The following OSTM1 variants were observed in gnomAD, a reference collection of about 807,000 sequenced individuals.
OSTM1 encodes osteopetrosis-associated transmembrane protein 1.
OSTM1 carries 26 observed loss-of-function variants against 35.4 expected under a neutral mutation model. The ratio of observed to expected loss-of-function variants is 0.73; its 90% CI spans 0.54 to 1.02. The LOEUF (loss-of-function observed/expected upper bound fraction) is 1.02. OSTM1 is among the 50% of genes least tolerant of loss of function. OSTM1 has a pLI of 0.00. For synonymous variants in OSTM1, 181 were observed against 165.0 expected (o/e 1.10, Z -0.75); for missense variants, 366 against 409.6 (o/e 0.89, Z 0.92).
In OSTM1 at chr6:108,074,565, G is replaced by C. The variant is rs749100146; in HGVS notation, c.87C>G (p.Ala29=). Residue 29 remains alanine, a synonymous_variant, in exon 1 of 6, where the codon GCC becomes GCG. Transcript: ENST00000193322. The part of the protein sequence containing the change: ...PLGLLLWSGL[A]LGALPFGSSP... Reference sequence around the variant, plus strand: ...TGCTGCCGAAGGGGAGCGCGCCCAGGGCCAGCCCCGACCACAGCAGCAGCC... The same window carrying C: ...TGCTGCCGAAGGGGAGCGCGCCCAGCGCCAGCCCCGACCACAGCAGCAGCC... 6.2e-5 allele frequency: 97 copies of C among 1,560,456 alleles called. 1 individual carries two copies. The highest frequency in any genetic ancestry group is 9.5e-6 in the Non-Finnish European group (11 of 1,156,050).
In OSTM1 at chr6:108,041,568, A is replaced by G. The variant is rs1038100349; in HGVS notation, c.*3217T>C. On this transcript the variant is annotated 3_prime_UTR_variant, in exon 6 of 6. Coordinates refer to ENST00000193322, the MANE Select transcript of OSTM1 (RefSeq NM_014028.4). The stretch of plus-strand genomic sequence containing the variant: ...CATTTTGGTGCTACATGTATAATTC[A>G]GCATAAGCCAAAGCCTTTTTAAAAT... 2 of 152,358 alleles carry G rather than the reference A, an allele frequency of 1.3e-5. No homozygotes were observed. The highest frequency in any genetic ancestry group is 6.5e-5 in the Admixed American group (1 of 15,308). 9.4% of individuals were successfully genotyped at this position (152,358 alleles called of 1,614,324 possible).
At chr6:108,053,645 T>C (rs1332086237) in intron 3 of OSTM1, among the ~76,000 whole-genome samples, 1 of 152,206 alleles carries the variant, frequency 6.6e-6, no homozygotes, top group Non-Finnish European at 1.5e-5. Context: ...TTTGTATTTT[T>C]AGTAGAGACA....
rs1772564630 is a variant in OSTM1 at position 108,074,716 on chromosome 6, A to G, written c.-65T>C. On this transcript the variant is annotated 5_prime_UTR_variant, in exon 1 of 6. Transcript: ENST00000193322. ...TCCGCCCCCAGCCGGCACCGCGGACAGCCGCCGCTTCCGGTTTCCGCGAGC... is the reference window on the plus strand; with the variant it reads ...TCCGCCCCCAGCCGGCACCGCGGACGGCCGCCGCTTCCGGTTTCCGCGAGC... 1.4e-6 allele frequency: 2 copies of G among 1,428,922 alleles called. No individual in the cohort carries two copies. The highest frequency in any genetic ancestry group is 2.9e-5 in the Admixed American group (1 of 34,782). The allele number at this position is 1,428,922 out of a possible 1,614,324, so 88.5% of individuals were successfully genotyped here.
At chr6:108,067,629 G>A (rs1010545604) in intron 1 of OSTM1, among the ~76,000 whole-genome samples, 5 of 151,886 alleles carry the variant, frequency 3.3e-5, no homozygotes, top group African/African-American at 1.2e-4. Context: ...TCAGGAGTTC[G>A]AGACCAGTCC....
intron 3 of OSTM1, among the ~76,000 whole-genome samples, chr6:108,051,626 C>G (rs1772075863): frequency 6.6e-6 from 1 of 152,152 alleles, no homozygotes; most frequent in Non-Finnish European, 1.5e-5. Flanking sequence ...AAAATAGGTT[C>G]CTGCCTATGC....
intron 3 of OSTM1, among the ~76,000 whole-genome samples, chr6:108,052,689 A>T (rs1772098323): frequency 6.6e-6 from 1 of 152,088 alleles, no homozygotes; most frequent in Non-Finnish European, 1.5e-5. Context: ...ATCTTTTAAT[A>T]ATGTGAAAGT....
chr6:108,055,139 T>A (rs1376872750), intron 2 of OSTM1, among the ~76,000 whole-genome samples: 1 of 152,188 alleles, frequency 6.6e-6, no homozygotes, highest in African/African-American at 2.4e-5. Context: ...GGGCTTCAAG[T>A]AAAGTCTAGA....
At position 108,074,625 on chromosome 6, in the gene OSTM1, C is replaced by T. The variant is rs1245761814; in HGVS notation, c.27G>A (p.Gln9=). ...GCCACGGCGGCAACGAACACCTCCG[C>T]TGCGCGGCTGTCGGGCCCGGCTCCA... MEPGPTAA[Q]RRCSLPPWLP... The change falls in exon 1 of 6, where the codon CAG becomes CAA. Residue 9 remains glutamine (Q), a synonymous_variant. Coordinates refer to ENST00000193322, the MANE Select transcript of OSTM1 (RefSeq NM_014028.4). The T allele has an allele frequency of 2.6e-6, 4 of 1,560,304 alleles. No homozygotes were observed. The African/African-American group carries it at 4.1e-5, about 16-fold the overall frequency.
At chr6:108,062,286 A>C (rs1175401998) in intron 2 of OSTM1, among the ~76,000 whole-genome samples, 1 of 152,210 alleles carries the variant, frequency 6.6e-6, no homozygotes, top group Admixed American at 6.5e-5. Flanking sequence ...GGCAGCATCT[A>C]CAGTATAGAT....
chr6:108,067,187 C>T (rs545622028), intron 1 of OSTM1, among the ~76,000 whole-genome samples: 1 of 152,246 alleles, frequency 6.6e-6, no homozygotes, highest in East Asian at 1.9e-4. Context: ...GATCTCTCTC[C>T]CACTCTTTAC....
chr6:108,074,228 C>T, intron 1 of OSTM1, 22 bp downstream of exon 1: 2 of 1,610,384 alleles, frequency 1.2e-6, no homozygotes, highest in Non-Finnish European at 1.7e-6. Flanking sequence ...AGCCACAGTC[C>T]CGGACGTGGT....
chr6:108,072,486 A>G (rs1772501890), intron 1 of OSTM1, among the ~76,000 whole-genome samples: 1 of 151,928 alleles, frequency 6.6e-6, no homozygotes, highest in South Asian at 2.1e-4. Flanking sequence ...TACAATAATT[A>G]GTTAGGTGTG....
rs886060968 is a variant in OSTM1, at chr6:108,043,832, G to A, written c.*953C>T. On this transcript the variant is annotated 3_prime_UTR_variant, in exon 6 of 6. Coordinates refer to ENST00000193322, the MANE Select transcript of OSTM1 (RefSeq NM_014028.4). ...CACCACTGTCCAACAGTCTTACAGT[G>A]AGCATCCTCTCAGGTCCCTTTCTGC... 7.2e-5 allele frequency: 11 copies of A among 152,114 alleles called. No homozygotes were observed. Among genetic ancestry groups the A allele is most frequent in the Non-Finnish European group, 1.6e-4 (11 of 68,038 alleles). 9.4% of individuals were successfully genotyped at this position (152,114 alleles called of 1,614,324 possible). A position where few individuals can be genotyped will look rare whatever the true frequency, so the allele number is the denominator to read the frequency against.
At chr6:108,050,552 C>T (rs59031327) in intron 4 of OSTM1, among the ~76,000 whole-genome samples, 35,214 of 151,586 alleles carry the variant, frequency 0.23, 4,185 homozygotes, top group Admixed American at 0.26. Flanking sequence ...TTAGTAGAGA[C>T]GGGGTTTCAC....
intron 2 of OSTM1, among the ~76,000 whole-genome samples, chr6:108,057,535 C>A (rs1772189193): frequency 6.6e-6 from 1 of 152,046 alleles, no homozygotes; most frequent in African/African-American, 2.4e-5. Flanking sequence ...CATGAGAGAG[C>A]AATAGCAAAT....
At chr6:108,062,319 G>A (rs1457529297) in intron 2 of OSTM1, among the ~76,000 whole-genome samples, 3 of 152,000 alleles carry the variant, frequency 2.0e-5, no homozygotes, top group African/African-American at 7.3e-5. Flanking sequence ...TGGATGATTC[G>A]CAGCCCAAGT....
chr6:108,046,492 C>T (rs1771976525), intron 5 of OSTM1, among the ~76,000 whole-genome samples: 1 of 147,934 alleles, frequency 6.8e-6, no homozygotes, highest in South Asian at 2.1e-4. Context: ...CAGGCGTCTG[C>T]CACCACGCCC....
At position 108,050,206 on chromosome 6, in the gene OSTM1, G is replaced by C. The variant is rs115736562; in HGVS notation, c.784-788C>G. On this transcript the variant is annotated intron_variant, in intron 4 of 5. Coordinates refer to ENST00000193322, the MANE Select transcript of OSTM1 (RefSeq NM_014028.4). Reference sequence around the variant, plus strand: ...GTGAACAAAAAAAGCCTAAGTCCTTGTCCTCATGTGGCTTATATTTTAGTG... The same window carrying C: ...GTGAACAAAAAAAGCCTAAGTCCTTCTCCTCATGTGGCTTATATTTTAGTG... Among the ~76,000 whole-genome samples the C allele has an allele frequency of 2.5e-3, 376 of 152,144 alleles. 2 individuals are homozygous for C. Among genetic ancestry groups the C allele is most frequent in the African/African-American group, 8.8e-3 (365 of 41,504 alleles).
chr6:108,049,270 T>G lies in OSTM1; in HGVS notation c.932A>C (p.Lys311Thr), dbSNP rs1398805312. 5 of 1,612,056 alleles carry G rather than the reference T, an allele frequency of 3.1e-6. No individual in the cohort carries two copies. Among genetic ancestry groups the G allele is most frequent in the Non-Finnish European group, 4.2e-6 (5 of 1,178,416 alleles). Residue 311 changes from lysine to threonine, a missense_variant, in exon 5 of 6, where the codon AAA becomes ACA. Lys to Thr is a moderately conservative substitution (Grantham distance 78). Coordinates refer to ENST00000193322, the MANE Select transcript of OSTM1 (RefSeq NM_014028.4). ...LSSFLHSEQK[K>T]RKLILPKRLK... is the part of the protein sequence containing the mutation. ...AAACTTACGCAGAATGAGTTTGCGTTTCTTTTGCTCTGAGTGAAGAAAGCT... is the reference window on the plus strand; with the variant it reads ...AAACTTACGCAGAATGAGTTTGCGTGTCTTTTGCTCTGAGTGAAGAAAGCT...
Sources: allele counts gnomAD v4.1 joint callset (sites outside exome capture counted in the v4.1 genomes callset), GRCh38; gene constraint gnomAD v4.1.1; transcripts MANE v1.5; gene names NCBI Gene and HGNC (gene_info 2026-07-23, HGNC 2026-07-21).